The following B3GLCT variants were observed in gnomAD, a reference collection of about 807,000 sequenced individuals.
B3GLCT encodes beta 3-glucosyltransferase.
A neutral mutation model predicts 63.4 loss-of-function variants in B3GLCT; 65 were observed. That is an observed-to-expected ratio of 1.03 (90% CI 0.84 to 1.26). The LOEUF is 1.26. Ranked by LOEUF, B3GLCT falls within the 50% of genes most tolerant of loss-of-function variation. The probability of loss-of-function intolerance (pLI) is 0.00; values close to 1 mark genes in which losing one functional copy is unlikely to be tolerated. For missense variants in B3GLCT, 577 were observed against 604.8 expected (o/e 0.95, Z 0.48); for synonymous variants, 233 against 219.2 (o/e 1.06, Z -0.55).
chr13:31,275,021 A>C (rs1872718317), intron 9 of B3GLCT, among the ~76,000 whole-genome samples: 1 of 152,218 alleles, frequency 6.6e-6, no homozygotes, highest in Non-Finnish European at 1.5e-5. Flanking sequence ...TGTTGCTGCA[A>C]GTACATTATT....
In B3GLCT at chr13:31,332,185, TG is replaced by T. The variant is rs1875961326; in HGVS notation, c.*2518del. Reference sequence around the variant, plus strand: ...ATATATCCTCAAAAATTAATGTAATTGACATCTTCAAGAATGTTTCTATTGT... The same window carrying T: ...ATATATCCTCAAAAATTAATGTAATTACATCTTCAAGAATGTTTCTATTGT... On this transcript the variant is annotated 3_prime_UTR_variant, in exon 15 of 15. Transcript: ENST00000343307. 6.6e-6 allele frequency: 1 copy of T among 152,138 alleles called. No homozygotes were observed. The highest frequency in any genetic ancestry group is 1.5e-5 in the Non-Finnish European group (1 of 68,004). 9.4% of individuals were successfully genotyped at this position (152,138 alleles called of 1,614,324 possible).
intron 1 of B3GLCT, among the ~76,000 whole-genome samples, chr13:31,210,981 G>A (rs1869227584): frequency 6.6e-6 from 1 of 152,030 alleles, no homozygotes; most frequent in African/African-American, 2.4e-5. Flanking sequence ...GACCTCAAGC[G>A]ATCCTCCTGC....
At chr13:31,291,671 C>T (rs1268001837) in intron 12 of B3GLCT, among the ~76,000 whole-genome samples, 1 of 152,106 alleles carries the variant, frequency 6.6e-6, no homozygotes. Context: ...GATTTTGTAT[C>T]CTGAGACTTT....
chr13:31,248,067 A>G (rs930618074), intron 6 of B3GLCT, 101 bp downstream of exon 6: 1 of 695,978 alleles, frequency 1.4e-6, no homozygotes, highest in Admixed American at 2.5e-5. Context: ...AAAACCACTT[A>G]GTTTAAAATT....
chr13:31,218,347 A>G (rs1869658902), intron 2 of B3GLCT, among the ~76,000 whole-genome samples: 1 of 151,730 alleles, frequency 6.6e-6, no homozygotes, highest in Non-Finnish European at 1.5e-5. Flanking sequence ...CTGCCACCAC[A>G]TCTGACTAAT....
intron 1 of B3GLCT, among the ~76,000 whole-genome samples, chr13:31,200,661 T>C (rs1868609691): frequency 6.6e-6 from 1 of 151,746 alleles, no homozygotes; most frequent in African/African-American, 2.4e-5. Flanking sequence ...GCCCCGCGGC[T>C]CCTGTTCGAC....
intron 7 of B3GLCT, among the ~76,000 whole-genome samples, chr13:31,264,896 A>G (rs1291467666): frequency 6.6e-6 from 1 of 152,202 alleles, no homozygotes; most frequent in East Asian, 1.9e-4. Flanking sequence ...TTTTGCTGTA[A>G]TTGGGGTGAG....
chr13:31,271,640 A>G, intron 8 of B3GLCT, among the ~76,000 whole-genome samples: 1 of 152,158 alleles, frequency 6.6e-6, no homozygotes, highest in Non-Finnish European at 1.5e-5. Flanking sequence ...GGCTTACTTT[A>G]TGGCCTAGCT....
chr13:31,266,063 A>G (rs971128034), intron 7 of B3GLCT, among the ~76,000 whole-genome samples: 20 of 151,796 alleles, frequency 1.3e-4, no homozygotes, highest in African/African-American at 4.4e-4. Flanking sequence ...ACAGTGGCGC[A>G]GTCTCGCTCA....
At chr13:31,206,025 A>G (rs1868931444) in intron 1 of B3GLCT, among the ~76,000 whole-genome samples, 1 of 152,238 alleles carries the variant, frequency 6.6e-6, no homozygotes, top group African/African-American at 2.4e-5. Context: ...TGCTTCCCGT[A>G]AGAAACTCAA....
intron 1 of B3GLCT, among the ~76,000 whole-genome samples, chr13:31,205,528 C>T (rs968886296): frequency 6.6e-6 from 1 of 152,042 alleles, no homozygotes; most frequent in Non-Finnish European, 1.5e-5. Context: ...CACTGCACTT[C>T]AGCCTGGGTG....
intron 5 of B3GLCT, among the ~76,000 whole-genome samples, 182 bp downstream of exon 5, chr13:31,247,281 AG>A (rs748486709): frequency 2.0e-5 from 3 of 151,802 alleles, no homozygotes; most frequent in Non-Finnish European, 2.9e-5. Flanking sequence ...AATCATGAAT[AG>A]CTTTTTCTTT....
At chr13:31,208,664 C>G (rs1353778150) in intron 1 of B3GLCT, among the ~76,000 whole-genome samples, 1 of 140,836 alleles carries the variant, frequency 7.1e-6, no homozygotes, top group Non-Finnish European at 1.6e-5. Flanking sequence ...GCCCTTAGCG[C>G]TCTTTGCTTG....
At chr13:31,205,521 T>G (rs1023170989) in intron 1 of B3GLCT, among the ~76,000 whole-genome samples, 1 of 152,056 alleles carries the variant, frequency 6.6e-6, no homozygotes, top group African/African-American at 2.4e-5. Context: ...ATTGCACCAC[T>G]GCACTTCAGC....
At chr13:31,301,702 C>T (rs1874230875) in intron 12 of B3GLCT, among the ~76,000 whole-genome samples, 1 of 152,212 alleles carries the variant, frequency 6.6e-6, no homozygotes, top group Admixed American at 6.5e-5. Context: ...ACCAGTCTAA[C>T]AGGTAATTAT....
chr13:31,263,408 T>A (rs1872138724), intron 7 of B3GLCT, among the ~76,000 whole-genome samples: 1 of 152,232 alleles, frequency 6.6e-6, no homozygotes, highest in Non-Finnish European at 1.5e-5. Context: ...CTGGCATCCC[T>A]ATATAGGGCA....
intron 2 of B3GLCT, among the ~76,000 whole-genome samples, chr13:31,220,245 A>G (rs1346065287): frequency 6.6e-6 from 1 of 152,228 alleles, no homozygotes; most frequent in Non-Finnish European, 1.5e-5. Flanking sequence ...TTAATGAAGG[A>G]CTTATGAACT....
intron 12 of B3GLCT, among the ~76,000 whole-genome samples, chr13:31,287,678 T>A (rs1003375282): frequency 6.7e-6 from 1 of 149,624 alleles, no homozygotes; most frequent in African/African-American, 2.4e-5. Flanking sequence ...TGAAAAAAAA[T>A]TAGCTTATTG....
chr13:31,286,320 G>C (rs2137880632), intron 11 of B3GLCT, among the ~76,000 whole-genome samples: 1 of 152,342 alleles, frequency 6.6e-6, no homozygotes, highest in Middle Eastern at 3.4e-3. Flanking sequence ...CCCTGTGGCA[G>C]TGGTGCCTGG....
Sources: gnomAD v4.1 joint callset for allele counts (sites outside exome capture counted in the v4.1 genomes callset) on GRCh38, gnomAD v4.1.1 for gene constraint, MANE v1.5 for transcripts, NCBI Gene and HGNC (gene_info 2026-07-23, HGNC 2026-07-21) for gene names.